The following MGAM variants were observed in gnomAD, a reference collection of about 807,000 sequenced individuals.
The protein encoded by MGAM is alpha-1,4-glucosidase.
In MGAM, 253 loss-of-function variants were observed where a neutral mutation model predicts 358.8. That is an observed-to-expected ratio of 0.71 (90% confidence interval 0.64 to 0.78). MGAM has a LOEUF of 0.78. Ranked by LOEUF, MGAM falls within the 30% of genes least tolerant of loss-of-function variation. MGAM has a pLI of 0.00. For synonymous variants in MGAM, 1,105 were observed against 1,227.1 expected, an observed-to-expected ratio of 0.90 and a Z score of 2.08; for missense variants, 3,080 against 3,432.6, an observed-to-expected ratio of 0.90 and a Z score of 2.57.
At position 142,066,369 on chromosome 7, in the gene MGAM, G is replaced by A. The variant is rs1234752570; in HGVS notation, c.4771-204G>A. Among the ~76,000 whole-genome samples the A allele has an allele frequency of 7.5e-5, 11 of 146,148 alleles. 1 individual carries two copies. Among genetic ancestry groups the A allele is most frequent in the Non-Finnish European group, 1.5e-4 (10 of 64,556 alleles). On this transcript the variant is annotated intron_variant, in intron 40 of 70. Coordinates refer to ENST00000475668, the MANE Select transcript of MGAM (RefSeq NM_001365693.1). ...TTTTACCAAATGTTCCAAAAAGAAT[G>A]TCTTACAGTGAAATTTTATCAGCTG...
chr7:141,989,657 G>A (rs1554446887), intron 2 of MGAM, among the ~76,000 whole-genome samples: 1 of 151,712 alleles, frequency 6.6e-6, no homozygotes, highest in Non-Finnish European at 1.5e-5. Flanking sequence ...CTGGGCTCAA[G>A]TGATCCTCTT....
Position 142,084,638 on chromosome 7 carries a change from C to G in MGAM, c.6501C>G (p.Ile2167Met), listed in dbSNP as rs778170284. The change falls in exon 54 of 71, where the codon ATC (isoleucine) becomes ATG (methionine). Residue 2167 changes from isoleucine to methionine, a missense_variant. By Grantham distance (10) the Ile-to-Met change is conservative (BLOSUM62 1). Transcript: ENST00000475668. The part of the protein sequence containing the change: ...SLYDEMVAAQ[I>M]PYDVQYSDID... Reference sequence around the variant, plus strand: ...ATGATGAGATGGTGGCTGCCCAGATCCCTTATGTACGTTCTCAGTCATGGC... The same window carrying G: ...ATGATGAGATGGTGGCTGCCCAGATGCCTTATGTACGTTCTCAGTCATGGC... 1 of 1,555,562 alleles carries G rather than the reference C, an allele frequency of 6.4e-7. No homozygotes were observed. The highest frequency in any genetic ancestry group is 8.8e-7 in the Non-Finnish European group (1 of 1,132,380).
chr7:141,998,982 C>T (rs1458277782), intron 1 of MGAM, among the ~76,000 whole-genome samples: 1 of 152,070 alleles, frequency 6.6e-6, no homozygotes, highest in Admixed American at 6.6e-5. Context: ...CCTCATTTAC[C>T]CCCCACTTTT....
chr7:142,037,016 C>A, intron 18 of MGAM, 39 bp downstream of exon 18: 1 of 1,581,784 alleles, frequency 6.3e-7, no homozygotes, highest in Non-Finnish European at 8.7e-7. Flanking sequence ...ATTAATGCAT[C>A]TGGAATGACA....
At position 142,087,436 on chromosome 7, in the gene MGAM, G is replaced by A. The variant is rs142044264; in HGVS notation, c.6810+719G>A. On this transcript the variant is annotated intron_variant, in intron 57 of 70. Transcript: ENST00000475668. ...AGGAAGGCTACGGCCCCATCCTCTG[G>A]CCAAGATGTGTGTCTCCTGAACTGA... is the stretch of plus-strand genomic sequence containing the variant. Among the ~76,000 whole-genome samples, 64 of 146,244 alleles carry A rather than the reference G, an allele frequency of 4.4e-4. 5 individuals carry two copies. In the East Asian group the frequency reaches 9.9e-3, roughly 23 times the overall value.
At chr7:142,059,777 C>T (rs1432363564) in intron 32 of MGAM, 79 bp from the exon 33 acceptor site, 1 of 1,572,120 alleles carries the variant, frequency 6.4e-7, no homozygotes, top group East Asian at 2.3e-5. Flanking sequence ...CGAGTTCACC[C>T]TTGAGGAGTT....
intron 33 of MGAM, 85 bp from the exon 34 acceptor site, chr7:142,060,226 C>T: frequency 5.2e-6 from 8 of 1,548,488 alleles, no homozygotes; most frequent in Non-Finnish European, 7.1e-6. Context: ...CTCCTAGGAG[C>T]ACGGTTTGTA....
intron 33 of MGAM, 101 bp from the exon 34 acceptor site, chr7:142,060,210 T>G: frequency 6.7e-7 from 1 of 1,485,526 alleles, no homozygotes; most frequent in Non-Finnish European, 9.3e-7. Context: ...AGTCAAAGTA[T>G]TATTGCTCCT....
chr7:142,064,358 T>G (rs1227107098), intron 36 of MGAM, 26 bp from the exon 37 acceptor site: 1 of 1,595,378 alleles, frequency 6.3e-7, no homozygotes, highest in Admixed American at 1.7e-5. Context: ...GGGCTGGGTT[T>G]CACCTCGCCA....
At chr7:142,067,987 T>TATATA (rs1491516915) in intron 42 of MGAM, among the ~76,000 whole-genome samples, 1 of 6,680 alleles carries the variant, frequency 1.5e-4, no homozygotes, top group African/African-American at 2.7e-4. Flanking sequence ...TATATATATA[T>TATATA]TTTTTTTTTT....
At chr7:142,016,913 C>T (rs1554456408) in intron 3 of MGAM, among the ~76,000 whole-genome samples, 1 of 152,110 alleles carries the variant, frequency 6.6e-6, no homozygotes, top group Non-Finnish European at 1.5e-5. Context: ...ATTTGTTTTC[C>T]CCTTTACTTT....
chr7:142,020,601 A>ATT lies in MGAM; in HGVS notation c.449-372_449-371insTT, dbSNP rs199598156. 7.5e-3 allele frequency among the ~76,000 whole-genome samples: 1,001 copies of ATT among 134,270 alleles called. 11 individuals are homozygous for ATT. Among genetic ancestry groups the ATT allele is most frequent in the African/African-American group, 0.028 (934 of 33,942 alleles). The allele number at this position is 134,270 out of a possible 152,430, so 88.1% of individuals were successfully genotyped here. On this transcript the variant is annotated intron_variant, in intron 4 of 70. Coordinates refer to ENST00000475668, the MANE Select transcript of MGAM (RefSeq NM_001365693.1). ...CATGTATCCTAATATATATATATAT[A>ATT]TATTTTTTTTTTTTTTTTGAGAAGG...
chr7:142,073,636 T>C (rs1813518414), intron 44 of MGAM, among the ~76,000 whole-genome samples: 1 of 146,256 alleles, frequency 6.8e-6, no homozygotes, highest in African/African-American at 2.4e-5. Flanking sequence ...TGGACCTTAG[T>C]GTATGTTGTT....
In MGAM at chr7:142,008,629, C is replaced by G; in HGVS notation, c.251C>G (p.Thr84Ser). 6 of 1,613,572 alleles carry G rather than the reference C, an allele frequency of 3.7e-6. No individual in the cohort carries two copies. Among genetic ancestry groups the G allele is most frequent in the Non-Finnish European group, 5.1e-6 (6 of 1,179,678 alleles). ...CCAGATCCTGGAACAACTGGTACCA[C>G]TCCTGTTTCTGCTGAATGTCCAGTG... Reference protein sequence around the residue: ...GPPDPGTTGTTPVSAECPVVN... With the variant: ...GPPDPGTTGTSPVSAECPVVN... The change falls in exon 3 of 71, where the codon ACT becomes AGT. Residue 84 changes from threonine (T) to serine (S), a missense_variant. Thr to Ser is a moderately conservative substitution (Grantham distance 58). Transcript: ENST00000475668.
In MGAM at chr7:142,045,240, A is replaced by C. The variant is rs1266637472; in HGVS notation, c.2499-2545A>C. 2.0e-3 allele frequency among the ~76,000 whole-genome samples: 36 copies of C among 17,656 alleles called. 2 individuals are homozygous for C. Among genetic ancestry groups the C allele is most frequent in the South Asian group, 2.9e-3 (2 of 692 alleles). 11.6% of individuals were successfully genotyped at this position (17,656 alleles called of 152,430 possible). A position where few individuals can be genotyped will look rare whatever the true frequency, so the allele number is the denominator to read the frequency against. On this transcript the variant is annotated intron_variant, in intron 21 of 70. Coordinates refer to ENST00000475668, the MANE Select transcript of MGAM (RefSeq NM_001365693.1). ...ATGTATATAATATATATTATATATC[A>C]TATAATATATGATATATAATATATA...
intron 24 of MGAM, among the ~76,000 whole-genome samples, chr7:142,051,515 C>T (rs911752727): frequency 6.6e-6 from 1 of 151,942 alleles, no homozygotes; most frequent in Non-Finnish European, 1.5e-5. Flanking sequence ...AAAGAAGTGT[C>T]AAGATAAGAA....
At chr7:142,034,025 G>C (rs1459446593) in intron 14 of MGAM, among the ~76,000 whole-genome samples, 3 of 152,232 alleles carry the variant, frequency 2.0e-5, no homozygotes, top group African/African-American at 7.2e-5. Context: ...CCAAGTGTCT[G>C]CCTCTAATCA....
chr7:142,009,195 A>C (rs1554453600), intron 3 of MGAM, among the ~76,000 whole-genome samples: 1 of 152,138 alleles, frequency 6.6e-6, no homozygotes, highest in Non-Finnish European at 1.5e-5. Context: ...AAGTTTCAAG[A>C]GCTCTGTTTT....
chr7:142,057,551 GGTA>G, intron 30 of MGAM, among the ~76,000 whole-genome samples: 1 of 143,486 alleles, frequency 7.0e-6, no homozygotes, highest in Middle Eastern at 3.5e-3. Flanking sequence ...TGGTGGGGGT[GGTA>G]GTGGGGGGTG....
Sources: gnomAD v4.1 joint callset for allele counts (sites outside exome capture counted in the v4.1 genomes callset) on GRCh38, gnomAD v4.1.1 for gene constraint, MANE v1.5 for transcripts, NCBI Gene and HGNC (gene_info 2026-07-23, HGNC 2026-07-21) for gene names.